Variants in ARL13A observed in about 807,000 individuals in gnomAD.
ARL13A encodes ARF like GTPase 13A.
A neutral mutation model predicts 19.1 loss-of-function variants in ARL13A; 16 were observed. The observed-to-expected ratio is 0.84, with a 90% CI of 0.57 to 1.27. The LOEUF is 1.27. Ranked by LOEUF, ARL13A falls within the 50% of genes most tolerant of loss-of-function variation. The pLI is 0.00. For synonymous variants in ARL13A, 69 were observed against 71.3 expected, an observed-to-expected ratio of 0.97 and a Z score of 0.17; for missense variants, 153 against 186.4, an observed-to-expected ratio of 0.82 and a Z score of 1.04.
At position 100,990,824 on chromosome X, in the gene ARL13A, G is replaced by C; in HGVS notation, c.*236G>C. On this transcript the variant is annotated 3_prime_UTR_variant, in exon 8 of 8. Coordinates refer to ENST00000450049, the MANE Select transcript of ARL13A (RefSeq NM_001162491.2). ...TGGCAAAAATAAATAGAACTTCTTT[G>C]CTGAGAATTATGCTCTACTGAATCA... The C allele has an allele frequency of 2.8e-6, 1 of 353,712 alleles. No homozygotes were observed. Among genetic ancestry groups the C allele is most frequent in the East Asian group, 5.3e-5 (1 of 18,886 alleles). The allele number at this position is 353,712 out of a possible 1,213,427, so 29.1% of individuals were successfully genotyped here. A position where few individuals can be genotyped will look rare whatever the true frequency, so the allele number is the denominator to read the frequency against.
intron 1 of ARL13A, among the ~76,000 whole-genome samples, chrX:100,972,509 C>T (rs1214691970): frequency 3.3e-5 from 3 of 89,907 alleles, no homozygotes; most frequent in African/African-American, 1.3e-4. Flanking sequence ...ACCTCCCTCC[C>T]GGACGGGGCG....
intron 7 of ARL13A, 78 bp from the exon 8 acceptor site, chrX:100,990,484 A>G: frequency 9.9e-7 from 1 of 1,011,798 alleles, no homozygotes; most frequent in Non-Finnish European, 1.3e-6. Context: ...TAATATTTCT[A>G]CACTCCCCAT....
chrX:100,988,348 T>C lies in ARL13A; in HGVS notation c.744+65T>C, dbSNP rs369082220. On this transcript the variant is annotated intron_variant, in intron 7 of 7. Transcript: ENST00000450049. ...CCTGAACACGTGGGCACCAACTAAC[T>C]TTCCCCCCCATCATCTTCTTGCTGT... 2.5e-6 allele frequency: 3 copies of C among 1,207,152 alleles called. No homozygotes were observed. In the East Asian group the frequency reaches 8.9e-5, roughly 36 times the overall value.
intron 3 of ARL13A, among the ~76,000 whole-genome samples, chrX:100,978,068 T>C (rs2085796507): frequency 8.9e-6 from 1 of 112,364 alleles, no homozygotes; most frequent in South Asian, 3.7e-4. Context: ...GTTTAGTTTT[T>C]TGAGGAACTT....
At chrX:100,978,625 T>G (rs1569461703) in intron 3 of ARL13A, among the ~76,000 whole-genome samples, 1 of 105,605 alleles carries the variant, frequency 9.5e-6, no homozygotes, top group African/African-American at 3.4e-5. Flanking sequence ...AGATCATGTG[T>G]TTTTTTTTTT....
At chrX:100,972,458 C>A (rs1423004851) in intron 1 of ARL13A, among the ~76,000 whole-genome samples, 1,012 of 97,977 alleles carry the variant, frequency 0.01, 13 homozygotes, top group African/African-American at 0.037. Context: ...CCTCACCTCC[C>A]AGACGGGGCG....
chrX:100,978,971 G>A (rs1234163058), intron 3 of ARL13A, among the ~76,000 whole-genome samples: 1 of 110,845 alleles, frequency 9.0e-6, no homozygotes, highest in Non-Finnish European at 1.9e-5. Flanking sequence ...GATGACAACT[G>A]TGATTGCAAA....
chrX:100,985,611 A>G, intron 3 of ARL13A, 56 bp from the exon 4 acceptor site: 2 of 1,160,963 alleles, frequency 1.7e-6, no homozygotes, highest in Non-Finnish European at 2.3e-6. Flanking sequence ...CTCCTGTTAG[A>G]TGAGTATGGA....
rs1323149901 is a variant in ARL13A at position 100,986,049 on chromosome X, C to A, written c.380+133C>A. 4 of 785,003 alleles carry A rather than the reference C, an allele frequency of 5.1e-6. No homozygotes were observed. In the Admixed American group the frequency reaches 1.6e-4, roughly 32 times the overall value. The allele number at this position is 785,003 out of a possible 1,213,427, so 64.7% of individuals were successfully genotyped here. ...TTCCCTTAGGCTCAGTGAGGTAGAG[C>A]GGCCCAATTTTCTGAGGTTTGTTCT... On this transcript the variant is annotated intron_variant, in intron 4 of 7. Transcript: ENST00000450049.
intron 1 of ARL13A, among the ~76,000 whole-genome samples, chrX:100,972,281 G>A (rs1300921239): frequency 9.8e-6 from 1 of 102,079 alleles, no homozygotes; most frequent in Non-Finnish European, 2.0e-5. Context: ...GGGCAGAGGG[G>A]CTCCTCACTT....
chrX:100,988,825 T>G (rs2085972713), intron 7 of ARL13A, among the ~76,000 whole-genome samples: 1 of 86,294 alleles, frequency 1.2e-5, no homozygotes, highest in African/African-American at 4.6e-5. Context: ...TACAAGAACT[T>G]TATATATATA....
intron 3 of ARL13A, among the ~76,000 whole-genome samples, chrX:100,983,024 C>A (rs1485066875): frequency 1.8e-5 from 2 of 111,043 alleles, no homozygotes; most frequent in Non-Finnish European, 3.8e-5. Context: ...TTAACAATCA[C>A]CCCCATGTAA....
chrX:100,974,874 G>A (rs2085736702), intron 3 of ARL13A, among the ~76,000 whole-genome samples: 1 of 111,588 alleles, frequency 9.0e-6, no homozygotes, highest in Non-Finnish European at 1.9e-5. Flanking sequence ...GAAGTAGTAT[G>A]ATGACGTGGT....
Position 100,977,369 on chromosome X carries a change from C to CTTTTTTTT in ARL13A, c.130+3194_130+3201dup, listed in dbSNP as rs59915769. Among the ~76,000 whole-genome samples the CTTTTTTTT allele has an allele frequency of 1.6e-4, 9 of 56,470 alleles. 2 individuals are homozygous for CTTTTTTTT. The highest frequency in any genetic ancestry group is 6.5e-4 in the African/African-American group (9 of 13,946). The allele number at this position is 56,470 out of a possible 115,157, so 49.0% of individuals were successfully genotyped here. Reference sequence around the variant, plus strand: ...GTAGTAATTATCCTTCTACTCTCTTCTTTTTTTTTTTTTTTTTTTTTTTTT... The same window carrying CTTTTTTTT: ...GTAGTAATTATCCTTCTACTCTCTTCTTTTTTTTTTTTTTTTTTTTTTTTTTTTTTTTT... On this transcript the variant is annotated intron_variant, in intron 3 of 7. Transcript: ENST00000450049.
At chrX:100,970,876 T>G (rs1215159217) in intron 1 of ARL13A, among the ~76,000 whole-genome samples, 1 of 112,059 alleles carries the variant, frequency 8.9e-6, no homozygotes, top group African/African-American at 3.2e-5. Flanking sequence ...GGTGGGAATG[T>G]AAGATGTTGT....
chrX:100,987,011 G>C, intron 5 of ARL13A, 110 bp downstream of exon 5: 1 of 460,635 alleles, frequency 2.2e-6, no homozygotes, highest in Non-Finnish European at 3.7e-6. Flanking sequence ...GTCTCTCCCT[G>C]TCAGGCAACA....
At position 100,985,815 on chromosome X, in the gene ARL13A, T is replaced by C. The variant is rs760631267; in HGVS notation, c.279T>C (p.Val93=). 2 of 1,209,606 alleles carry C rather than the reference T, an allele frequency of 1.7e-6. No individual in the cohort carries two copies. The highest frequency in any genetic ancestry group is 1.8e-5 in the African/African-American group (1 of 57,103). Residue 93 remains valine (V), a synonymous_variant, in exon 4 of 8, where the codon GTT becomes GTC. Coordinates refer to ENST00000450049, the MANE Select transcript of ARL13A (RefSeq NM_001162491.2). The part of the protein sequence containing the change: ...PNYYAQAHGL[V]FVLDSSDIRR... Reference sequence around the variant, plus strand: ...ACTATGCACAGGCCCATGGGCTTGTTTTCGTCCTGGATTCCAGTGACATAA... The same window carrying C: ...ACTATGCACAGGCCCATGGGCTTGTCTTCGTCCTGGATTCCAGTGACATAA...
At chrX:100,984,119 T>G (rs2085901765) in intron 3 of ARL13A, among the ~76,000 whole-genome samples, 1 of 98,979 alleles carries the variant, frequency 1.0e-5, no homozygotes, top group African/African-American at 3.6e-5. Flanking sequence ...TTGTTTTTTG[T>G]TTTTTTTTTT....
intron 3 of ARL13A, 96 bp from the exon 4 acceptor site, chrX:100,985,571 G>C: frequency 2.0e-6 from 2 of 1,021,597 alleles, no homozygotes; most frequent in Non-Finnish European, 2.7e-6. Flanking sequence ...CAGCAGGATA[G>C]ACAACTGCAT....
Sources: allele counts gnomAD v4.1 joint callset (sites outside exome capture counted in the v4.1 genomes callset), GRCh38; gene constraint gnomAD v4.1.1; transcripts MANE v1.5; gene names NCBI Gene and HGNC (gene_info 2026-07-23, HGNC 2026-07-21).